ACCSL: variants seen among roughly 807,000 people sequenced by gnomAD.
ACCSL encodes the protein 1-aminocyclopropane-1-carboxylate synthase homolog (inactive) like.
A neutral mutation model predicts 61.7 loss-of-function variants in ACCSL; 55 were observed. That is an observed-to-expected ratio of 0.89 (90% CI 0.72 to 1.12). The LOEUF is 1.12. ACCSL is among the 50% of genes most tolerant of loss of function. ACCSL has a pLI of 0.00. For synonymous variants in ACCSL, 258 were observed against 264.3 expected, an observed-to-expected ratio of 0.98 and a Z score of 0.23; for missense variants, 632 against 698.0, an observed-to-expected ratio of 0.91 and a Z score of 1.07.
intron 7 of ACCSL, 90 bp downstream of exon 7, chr11:44,053,158 A>T: frequency 1.7e-6 from 2 of 1,203,890 alleles, no homozygotes; most frequent in Non-Finnish European, 2.4e-6. Flanking sequence ...ATTCACCAAG[A>T]CCTGGTGGGC....
At chr11:43,925,613 C>T in the ACCSL span, 1 of 375,056 alleles carries the variant, frequency 2.7e-6, no homozygotes, top group African/African-American at 2.1e-5. Flanking sequence ...CACAGTACTG[C>T]CTGCAAGGGT....
the ACCSL span, among the ~76,000 whole-genome samples, chr11:44,037,781 G>A: frequency 2.0e-5 from 3 of 152,196 alleles, no homozygotes; most frequent in African/African-American, 7.2e-5. Context: ...CTCCCTGTGT[G>A]CCTTGGAACT....
the ACCSL span, among the ~76,000 whole-genome samples, chr11:43,997,253 C>T: frequency 6.6e-6 from 1 of 152,090 alleles, no homozygotes; most frequent in Admixed American, 6.5e-5. Flanking sequence ...AAACAGAGGG[C>T]CCCGTCTTGC....
chr11:43,998,307 G>A, the ACCSL span, among the ~76,000 whole-genome samples: 1 of 152,134 alleles, frequency 6.6e-6, no homozygotes. Context: ...TCAGCTGATG[G>A]GGCTTAGATT....
At chr11:44,013,668 A>G in the ACCSL span, among the ~76,000 whole-genome samples, 2 of 152,218 alleles carry the variant, frequency 1.3e-5, no homozygotes, top group Admixed American at 6.5e-5. Context: ...TACGTATTTC[A>G]TAGGTTTTTG....
chr11:44,002,456 C>T, the ACCSL span, among the ~76,000 whole-genome samples: 7 of 152,154 alleles, frequency 4.6e-5, no homozygotes, highest in African/African-American at 9.7e-5. Context: ...CTCTGATGGT[C>T]GAGCACACCA....
At chr11:44,032,520 G>A in the ACCSL span, among the ~76,000 whole-genome samples, 1 of 152,234 alleles carries the variant, frequency 6.6e-6, no homozygotes, top group Admixed American at 6.5e-5. Flanking sequence ...GCTCAGCACA[G>A]TGTCTGGGGT....
the ACCSL span, among the ~76,000 whole-genome samples, chr11:43,935,114 C>T: frequency 2.0e-5 from 3 of 152,194 alleles, no homozygotes; most frequent in Non-Finnish European, 4.4e-5. Flanking sequence ...GTCCCCTCAT[C>T]CTCCAGAGGA....
chr11:44,051,724 G>C lies in ACCSL; in HGVS notation c.772+5G>C. On this transcript the variant is annotated splice_donor_5th_base_variant and intron_variant, in intron 5 of 13. Transcript: ENST00000378832. ...TGGTTCTGTGTGATCCAGGCGGTAA[G>C]TCAGTGGGCTCTCCTTTCACTCTCA... 1 of 1,614,116 alleles carries C rather than the reference G, an allele frequency of 6.2e-7. No individual in the cohort carries two copies. Among genetic ancestry groups the C allele is most frequent in the Non-Finnish European group, 8.5e-7 (1 of 1,180,038 alleles).
the ACCSL span, among the ~76,000 whole-genome samples, chr11:43,996,290 C>T: frequency 6.6e-6 from 1 of 152,170 alleles, no homozygotes; most frequent in Non-Finnish European, 1.5e-5. Flanking sequence ...ATGGCTCTAA[C>T]CTGGAGAATA....
chr11:43,945,883 T>C, the ACCSL span, among the ~76,000 whole-genome samples: 1 of 151,670 alleles, frequency 6.6e-6, no homozygotes, highest in Non-Finnish European at 1.5e-5. Context: ...AAAAAGAACC[T>C]CCTGCTGCCT....
the ACCSL span, among the ~76,000 whole-genome samples, chr11:44,038,480 G>A: frequency 2.0e-5 from 3 of 152,312 alleles, no homozygotes; most frequent in East Asian, 1.9e-4. Context: ...GCAGGAATGC[G>A]CAGAGTGGGC....
At chr11:44,046,041 A>C (rs1211772540), upstream of ACCSL, among the ~76,000 whole-genome samples, 1 of 152,174 alleles carries the variant, frequency 6.6e-6, no homozygotes, top group Admixed American at 6.5e-5. Context: ...AAACCAAAGG[A>C]ATCTCACCTG....
intron 13 of ACCSL, 93 bp from the exon 14 acceptor site, chr11:44,059,745 C>G (rs926019305): frequency 3.0e-5 from 30 of 1,011,620 alleles, no homozygotes; most frequent in Non-Finnish European, 4.4e-5. Flanking sequence ...GAATGAGAGG[C>G]TTTTATGGTT....
At chr11:43,957,398 G>T in the ACCSL span, among the ~76,000 whole-genome samples, 2 of 152,314 alleles carry the variant, frequency 1.3e-5, no homozygotes, top group African/African-American at 4.8e-5. Flanking sequence ...TGCCTGAAGA[G>T]TCTGAAGTCA....
chr11:43,928,985 A>G, the ACCSL span, among the ~76,000 whole-genome samples: 1 of 152,244 alleles, frequency 6.6e-6, no homozygotes, highest in African/African-American at 2.4e-5. Context: ...CCAGCCAGGC[A>G]GGATGGTGCT....
At chr11:43,955,218 C>T in the ACCSL span, among the ~76,000 whole-genome samples, 1 of 152,214 alleles carries the variant, frequency 6.6e-6, no homozygotes, top group South Asian at 2.1e-4. Context: ...CTAGACTAAA[C>T]CCCTCAGCCT....
chr11:44,059,034 A>G (rs1432120710), intron 13 of ACCSL, among the ~76,000 whole-genome samples: 3 of 152,232 alleles, frequency 2.0e-5, no homozygotes, highest in African/African-American at 7.2e-5. Context: ...TGAGGTCAGG[A>G]GTTCCAGACC....
At chr11:44,014,694 T>C in the ACCSL span, among the ~76,000 whole-genome samples, 1 of 152,020 alleles carries the variant, frequency 6.6e-6, no homozygotes, top group African/African-American at 2.4e-5. Flanking sequence ...ATGGTGACCC[T>C]AGGGCAGCCC....
Sources: allele counts gnomAD v4.1 joint callset (sites outside exome capture counted in the v4.1 genomes callset), GRCh38; gene constraint gnomAD v4.1.1; transcripts MANE v1.5; gene names NCBI Gene and HGNC (gene_info 2026-07-23, HGNC 2026-07-21).